Variants in TMEM156 observed in about 807,000 individuals in gnomAD.
TMEM156 encodes the protein transmembrane protein 156.
In TMEM156, 28 loss-of-function variants were observed where a neutral mutation model predicts 30.5. The observed-to-expected ratio is 0.92, with a 90% CI of 0.68 to 1.26. The LOEUF is 1.26. Ranked by LOEUF, TMEM156 falls within the 50% of genes most tolerant of loss-of-function variation. The probability of loss-of-function intolerance (pLI) is 0.00; values close to 1 mark genes in which losing one functional copy is unlikely to be tolerated. For synonymous variants in TMEM156, 137 were observed against 119.9 expected (o/e 1.14, Z -0.93); for missense variants, 351 against 340.6 (o/e 1.03, Z -0.24).
intron 4 of TMEM156, among the ~76,000 whole-genome samples, chr4:38,988,130 C>T (rs1009752515): frequency 1.1e-4 from 16 of 152,146 alleles, no homozygotes; most frequent in Non-Finnish European, 2.2e-4. Context: ...TCCTTTAGCT[C>T]AGCCCTGCCA....
At chr4:39,004,497 C>T (rs544028794) in intron 1 of TMEM156, among the ~76,000 whole-genome samples, 1 of 152,106 alleles carries the variant, frequency 6.6e-6, no homozygotes, top group East Asian at 1.9e-4. Context: ...ATTACCAATG[C>T]ATTTGAAGCA....
chr4:38,978,252 G>T (rs1722976862), intron 5 of TMEM156, among the ~76,000 whole-genome samples: 1 of 148,876 alleles, frequency 6.7e-6, no homozygotes, highest in Non-Finnish European at 1.5e-5. Context: ...AAATTGGAAA[G>T]CCAAAAGTAA....
intron 2 of TMEM156, among the ~76,000 whole-genome samples, chr4:38,998,124 AT>A (rs1456080852): frequency 4.6e-5 from 7 of 152,170 alleles, no homozygotes; most frequent in African/African-American, 1.7e-4. Context: ...TGGCATTTTG[AT>A]GTATTTTAAG....
intron 1 of TMEM156, among the ~76,000 whole-genome samples, chr4:39,004,855 G>A (rs1253314755): frequency 1.3e-5 from 2 of 151,996 alleles, no homozygotes; most frequent in Non-Finnish European, 2.9e-5. Flanking sequence ...CTTACCATAT[G>A]ACCCAAAAAT....
At chr4:38,970,919 T>C (rs913510848) in intron 6 of TMEM156, 113 bp downstream of exon 6, 79 of 649,182 alleles carry the variant, frequency 1.2e-4, no homozygotes, top group Non-Finnish European at 1.9e-4. Context: ...ACTTTGCAAA[T>C]TCATCATTTT....
At chr4:38,978,499 T>C (rs1266286593) in intron 5 of TMEM156, among the ~76,000 whole-genome samples, 1 of 152,162 alleles carries the variant, frequency 6.6e-6, no homozygotes, top group Non-Finnish European at 1.5e-5. Context: ...AGAATATCAT[T>C]TAACGCCTCT....
chr4:38,975,379 C>CTTT (rs200919074), intron 5 of TMEM156, among the ~76,000 whole-genome samples: 3 of 123,796 alleles, frequency 2.4e-5, no homozygotes, highest in Admixed American at 9.1e-5. Context: ...TTTCTTTTTT[C>CTTT]TTTTCTTTTT....
intron 3 of TMEM156, 104 bp from the exon 4 acceptor site, chr4:38,989,074 G>C: frequency 8.7e-7 from 1 of 1,147,948 alleles, no homozygotes; most frequent in Non-Finnish European, 1.2e-6. Context: ...GCCCTGAATT[G>C]AAAAGCTGAA....
Position 38,998,767 on chromosome 4 carries a change from G to A in TMEM156, c.231C>T (p.Pro77=), listed in dbSNP as rs1713114253. 2 of 1,613,740 alleles carry A rather than the reference G, an allele frequency of 1.2e-6. No homozygotes were observed. The highest frequency in any genetic ancestry group is 2.7e-5 in the African/African-American group (2 of 74,880). The change falls in exon 2 of 7, where the codon CCC becomes CCT. Residue 77 remains proline, a synonymous_variant. Coordinates refer to ENST00000381938, the MANE Select transcript of TMEM156 (RefSeq NM_024943.3). ...TQIIMRIFLN[P]SNFRNFTRTC... The stretch of plus-strand genomic sequence containing the variant: ...TCCTGGTGAAGTTACGAAAATTGGA[G>A]GGATTTAGAAAGATTCTCATGATAA...
At chr4:38,970,611 C>G (rs549092287) in intron 6 of TMEM156, among the ~76,000 whole-genome samples, 2 of 152,064 alleles carry the variant, frequency 1.3e-5, no homozygotes, top group East Asian at 3.9e-4. Flanking sequence ...GACTTAAATT[C>G]ATGGAAATCA....
At chr4:39,024,660 C>A (rs551362642) in intron 1 of TMEM156, among the ~76,000 whole-genome samples, 5 of 151,954 alleles carry the variant, frequency 3.3e-5, no homozygotes, top group Non-Finnish European at 7.4e-5. Context: ...GACACTGGGG[C>A]CTACCAGAGG....
At chr4:38,985,280 C>T (rs887468762) in intron 5 of TMEM156, among the ~76,000 whole-genome samples, 4 of 152,166 alleles carry the variant, frequency 2.6e-5, no homozygotes, top group Admixed American at 2.0e-4. Flanking sequence ...CCAACTTACC[C>T]CACATTTAAC....
chr4:38,975,190 C>T (rs1169287668), intron 5 of TMEM156, among the ~76,000 whole-genome samples: 1 of 152,032 alleles, frequency 6.6e-6, no homozygotes. Context: ...CCGAGGCCAT[C>T]TTTACCTGGC....
chr4:38,974,921 C>A (rs1722775351), intron 5 of TMEM156, among the ~76,000 whole-genome samples: 2 of 152,086 alleles, frequency 1.3e-5, no homozygotes, highest in South Asian at 4.2e-4. Context: ...GAACCGCCCA[C>A]CTCGGCCTCC....
At chr4:39,006,353 A>T (rs1007144022) in intron 1 of TMEM156, among the ~76,000 whole-genome samples, 1 of 152,112 alleles carries the variant, frequency 6.6e-6, no homozygotes, top group Non-Finnish European at 1.5e-5. Context: ...TTATTTAATT[A>T]ATGTTTAGAA....
intron 4 of TMEM156, among the ~76,000 whole-genome samples, chr4:38,987,598 G>C (rs971571148): frequency 2.0e-5 from 3 of 152,220 alleles, no homozygotes; most frequent in Admixed American, 2.0e-4. Context: ...GCCTGGTAAA[G>C]AAGGAAAGAG....
chr4:39,018,050 GCTTTCTATTGTTTCTTGC>G (rs1433770689), intron 1 of TMEM156, among the ~76,000 whole-genome samples: 3 of 151,996 alleles, frequency 2.0e-5, no homozygotes, highest in Admixed American at 1.3e-4. Flanking sequence ...TTTGTACCAT[GCTTTCTATTGTTTCTTGC>G]CTTTCTGGCT....
intron 1 of TMEM156, among the ~76,000 whole-genome samples, chr4:39,026,229 GAA>G (rs1454851856): frequency 6.6e-6 from 1 of 152,126 alleles, no homozygotes. Flanking sequence ...ATGTTTTAGA[GAA>G]AGTCTTTTTT....
At chr4:38,984,997 CG>C (rs1553877719) in intron 5 of TMEM156, among the ~76,000 whole-genome samples, 1 of 151,280 alleles carries the variant, frequency 6.6e-6, no homozygotes, top group African/African-American at 2.4e-5. Flanking sequence ...TATGGGTTGA[CG>C]GGGGAACTAT....
Sources: allele counts gnomAD v4.1 joint callset (sites outside exome capture counted in the v4.1 genomes callset), GRCh38; gene constraint gnomAD v4.1.1; transcripts MANE v1.5; gene names NCBI Gene and HGNC (gene_info 2026-07-23, HGNC 2026-07-21).